PP2D1: variants seen among roughly 807,000 people sequenced by gnomAD.
The protein encoded by PP2D1 is protein phosphatase 2C-like domain-containing protein 1.
Under a neutral mutation model 30.2 loss-of-function variants are expected in PP2D1, and 25 were observed. The observed-to-expected ratio is 0.83, with a 90% CI of 0.60 to 1.16. PP2D1 has a LOEUF of 1.16. Ranked by LOEUF, PP2D1 falls within the 50% of genes most tolerant of loss-of-function variation. The probability of loss-of-function intolerance (pLI) is 0.00; values close to 1 mark genes in which losing one functional copy is unlikely to be tolerated. For missense variants in PP2D1, 760 were observed against 742.4 expected (o/e 1.02, Z -0.28); for synonymous variants, 260 against 258.9 (o/e 1.00, Z -0.04).
chr3:19,983,361 A>G (rs1048269048), downstream of PP2D1, among the ~76,000 whole-genome samples: 9 of 151,636 alleles, frequency 5.9e-5, 1 homozygote, highest in Admixed American at 4.6e-4. Flanking sequence ...AAAAAAAAAA[A>G]AAGAAGTAAT....
downstream of PP2D1, among the ~76,000 whole-genome samples, chr3:19,982,753 C>G (rs2125134305): frequency 7.0e-6 from 1 of 143,762 alleles, no homozygotes; most frequent in African/African-American, 2.7e-5. Flanking sequence ...CAGAGTGAGA[C>G]CTTGTCTCTT....
At chr3:19,998,504 T>C (rs905376752) in intron 2 of PP2D1, among the ~76,000 whole-genome samples, 7 of 152,338 alleles carry the variant, frequency 4.6e-5, no homozygotes, top group Middle Eastern at 3.4e-3. Flanking sequence ...GATGAATATC[T>C]TAAATACTCT....
chr3:20,004,641 T>C (rs1697296181), intron 1 of PP2D1, among the ~76,000 whole-genome samples: 1 of 152,162 alleles, frequency 6.6e-6, no homozygotes, highest in Non-Finnish European at 1.5e-5. Context: ...AAAGCAGGCA[T>C]CATTTTATAC....
At chr3:20,002,937 C>A (rs531222085) in intron 1 of PP2D1, among the ~76,000 whole-genome samples, 1 of 152,068 alleles carries the variant, frequency 6.6e-6, no homozygotes, top group East Asian at 1.9e-4. Flanking sequence ...TGCCTGTAAT[C>A]CCAGTTACTC....
intron 1 of PP2D1, 82 bp from the exon 2 acceptor site, chr3:20,002,178 G>A (rs1356195874): frequency 1.2e-6 from 1 of 844,694 alleles, no homozygotes; most frequent in East Asian, 2.7e-5. Context: ...ATTGCAATTT[G>A]ATTTGGCTCC....
chr3:20,003,652 G>A (rs750006601), intron 1 of PP2D1, among the ~76,000 whole-genome samples: 4 of 151,966 alleles, frequency 2.6e-5, no homozygotes, highest in African/African-American at 4.8e-5. Flanking sequence ...GCTGAGGCGG[G>A]AGAATTGCTT....
At chr3:20,011,254 C>T (rs1447165873) in intron 1 of PP2D1, among the ~76,000 whole-genome samples, 1 of 151,920 alleles carries the variant, frequency 6.6e-6, no homozygotes, top group African/African-American at 2.4e-5. Flanking sequence ...GAGCTTTTGG[C>T]CAAAATATAT....
At chr3:19,980,431 C>T (rs1035928899), downstream of PP2D1, among the ~76,000 whole-genome samples, 18 of 146,890 alleles carry the variant, frequency 1.2e-4, no homozygotes, top group African/African-American at 4.3e-4. Flanking sequence ...CCATTTCCTT[C>T]ACTAGGTTAG....
Position 20,002,014 on chromosome 3 carries a change from T to G in PP2D1, c.106A>C (p.Lys36Gln), listed in dbSNP as rs1381635876. The G allele has an allele frequency of 6.5e-7, 1 of 1,535,974 alleles. No homozygotes were observed. The highest frequency in any genetic ancestry group is 1.4e-5 in the African/African-American group (1 of 73,168). Residue 36 changes from lysine (K) to glutamine (Q), a missense_variant, in exon 2 of 3, where the codon AAA (lysine) becomes CAA (glutamine). Physicochemically the swap from Lys to Gln is moderately conservative, Grantham distance 53. Coordinates refer to ENST00000389050, the MANE Select transcript of PP2D1 (RefSeq NM_001252657.2). ...CTTGACTTTTTCTTTCTAAAACGTT[T>G]TCTTTTGGGTAAAAGTAGAATATCC... Reference protein sequence around the residue: ...DEDILLLPKRKRFRKKKSRPV... With the variant: ...DEDILLLPKRQRFRKKKSRPV...
chr3:19,985,711 G>A lies in PP2D1; in HGVS notation c.1562C>T (p.Ser521Phe), dbSNP rs767892531. ...ATTTGTAGTTGACACACGTACTTCA[G>A]ATACAGATTTATACTGAAACAATAC... ...IHVLFQYKSV[S>F]EVRVSTTNSK... is the part of the protein sequence containing the mutation. The change falls in exon 3 of 3, where the codon TCT becomes TTT. Residue 521 changes from serine (S) to phenylalanine (F), a missense_variant. Ser to Phe is a radical substitution (Grantham distance 155). Coordinates refer to ENST00000389050, the MANE Select transcript of PP2D1 (RefSeq NM_001252657.2). 6.5e-7 allele frequency: 1 copy of A among 1,535,712 alleles called. No individual in the cohort carries two copies. The highest frequency in any genetic ancestry group is 1.2e-5 in the South Asian group (1 of 84,042).
chr3:19,992,838 T>C (rs938342120), intron 2 of PP2D1, among the ~76,000 whole-genome samples: 1 of 152,146 alleles, frequency 6.6e-6, no homozygotes, highest in African/African-American at 2.4e-5. Context: ...CGTGGCAATC[T>C]TGAGAAGGGA....
intron 2 of PP2D1, among the ~76,000 whole-genome samples, chr3:19,993,102 T>A (rs1697137764): frequency 6.6e-6 from 1 of 152,138 alleles, no homozygotes; most frequent in African/African-American, 2.4e-5. Context: ...TGGGTAAAGT[T>A]GTGCCTGGTC....
Position 20,001,964 on chromosome 3 carries a change from A to C in PP2D1, c.156T>G (p.His52Gln). ...KSRPVRHTKRHEEEQVYEQGT... is the reference protein window; with the variant it reads ...KSRPVRHTKRQEEEQVYEQGT... ...CTTGCTCATAGACCTGCTCCTCTTCATGGCGTTTGGTGTGTCTCACTGGTC... is the reference window on the plus strand; with the variant it reads ...CTTGCTCATAGACCTGCTCCTCTTCCTGGCGTTTGGTGTGTCTCACTGGTC... Residue 52 changes from histidine to glutamine, a missense_variant, in exon 2 of 3, where the codon CAT becomes CAG. Physicochemically the swap from His to Gln is conservative, Grantham distance 24. Around this residue, in one of 3 missense-constraint regions of PP2D1, gnomAD observed 374 missense variants for 388.8 expected, o/e 0.96. Coordinates refer to ENST00000389050, the MANE Select transcript of PP2D1 (RefSeq NM_001252657.2). 3 of 1,536,282 alleles carry C rather than the reference A, an allele frequency of 2.0e-6. No homozygotes were observed. Among genetic ancestry groups the C allele is most frequent in the Non-Finnish European group, 2.6e-6 (3 of 1,146,952 alleles).
chr3:19,988,341 C>G (rs1487145395), intron 2 of PP2D1, among the ~76,000 whole-genome samples: 4 of 152,144 alleles, frequency 2.6e-5, no homozygotes, highest in East Asian at 1.9e-4. Flanking sequence ...CTGGGAATGT[C>G]TCTTGTACGG....
rs1697246751 is a variant in PP2D1 at position 20,001,210 on chromosome 3, C to A, written c.910G>T (p.Val304Leu). The stretch of plus-strand genomic sequence containing the variant: ...CAGCCACTCCATTGAACCCTGGACA[C>A]TTCTTTTCTTCCAAGACCTAAAAGC... The part of the protein sequence containing the change: ...DRLLGLGRKE[V>L]SRVQWSGCSA... Residue 304 changes from valine to leucine, a missense_variant, in exon 2 of 3, where the codon GTG becomes TTG. By Grantham distance (32) the Val-to-Leu change is conservative (BLOSUM62 1). Transcript: ENST00000389050. The A allele has an allele frequency of 2.0e-6, 3 of 1,534,496 alleles. No homozygotes were observed. In the South Asian group the frequency reaches 3.6e-5, roughly 18 times the overall value.
chr3:20,001,558 T>C lies in PP2D1; in HGVS notation c.562A>G (p.Lys188Glu). 2 of 1,536,264 alleles carry C rather than the reference T, an allele frequency of 1.3e-6. No homozygotes were observed. The highest frequency in any genetic ancestry group is 1.7e-6 in the Non-Finnish European group (2 of 1,146,916). The change falls in exon 2 of 3, where the codon AAA becomes GAA. Residue 188 changes from lysine to glutamate, a missense_variant. Lys to Glu is a moderately conservative substitution (Grantham distance 56, BLOSUM62 1). Transcript: ENST00000389050. The stretch of plus-strand genomic sequence containing the variant: ...CCAAAATTACTCACTACAGTGAATT[T>C]ATCATTCATGTCAGCTTTCCATGTA... ...NSTWKADMND[K>E]FTVVSNFGNK...
At chr3:20,008,426 G>A (rs1386510745) in intron 1 of PP2D1, among the ~76,000 whole-genome samples, 1 of 152,056 alleles carries the variant, frequency 6.6e-6, no homozygotes, top group Non-Finnish European at 1.5e-5. Context: ...AATTACCTAG[G>A]AGTGGTGGCT....
At chr3:19,997,994 A>C (rs767021288) in intron 2 of PP2D1, among the ~76,000 whole-genome samples, 1 of 152,118 alleles carries the variant, frequency 6.6e-6, no homozygotes, top group Non-Finnish European at 1.5e-5. Flanking sequence ...CAGGAGTTCG[A>C]GACCAGGCTG....
At chr3:19,981,003 G>C (rs12488378), downstream of PP2D1, among the ~76,000 whole-genome samples, 48,007 of 152,072 alleles carry the variant, frequency 0.32, 9,195 homozygotes, top group Non-Finnish European at 0.44. Context: ...TTCAATTTCT[G>C]AGTAACCTGA....
Sources: gnomAD v4.1 joint callset for allele counts (sites outside exome capture counted in the v4.1 genomes callset) on GRCh38, gnomAD v4.1.1 for gene constraint, gnomAD v4.1.1 regional missense constraint, MANE v1.5 for transcripts, NCBI Gene and HGNC (gene_info 2026-07-23, HGNC 2026-07-21) for gene names.